The following ACBD6 variants were observed in gnomAD, a reference collection of about 807,000 sequenced individuals.
ACBD6 encodes the protein acyl-CoA-binding domain-containing protein 6.
A neutral mutation model predicts 37.2 loss-of-function variants in ACBD6; 28 were observed. That is an observed-to-expected ratio of 0.75 (90% confidence interval 0.56 to 1.03). The LOEUF is 1.03. Ranked by LOEUF, ACBD6 falls within the 50% of genes least tolerant of loss-of-function variation. The pLI, the probability that ACBD6 is intolerant of heterozygous loss-of-function variation, is 0.00. For missense variants in ACBD6, 340 were observed against 337.4 expected (o/e 1.01, Z -0.06); for synonymous variants, 113 against 126.8 (o/e 0.89, Z 0.73).
rs74132444 is a variant in ACBD6, at chr1:180,282,340, A to G, written c.*94-954T>C. Among the ~76,000 whole-genome samples the G allele has an allele frequency of 1.9e-3, 282 of 152,334 alleles. 2 individuals carry two copies. Among genetic ancestry groups the G allele is most frequent in the African/African-American group, 6.7e-3 (277 of 41,566 alleles). ...GGCTGGGAATTGCTTTCTGAAAGAT[A>G]AAATATAGACCCAAAAAAGTGGTCT... On this transcript the variant is annotated intron_variant, in intron 8 of 13. Coordinates refer to the ACBD6 transcript ENST00000642319.
At chr1:180,368,273 A>G (rs1653125563) in intron 6 of ACBD6, among the ~76,000 whole-genome samples, 1 of 152,048 alleles carries the variant, frequency 6.6e-6, no homozygotes, top group Non-Finnish European at 1.5e-5. Context: ...GATGCTGGGT[A>G]TTAGACCTTT....
At chr1:180,271,042 T>A (rs942436491) in exon 14 of ACBD6, 1 of 382,792 alleles carries the variant, frequency 2.6e-6, no homozygotes, top group African/African-American at 2.1e-5. Context: ...CATGAGGATG[T>A]GTGAGCAGAG....
intron 7 of ACBD6, among the ~76,000 whole-genome samples, chr1:180,309,063 C>T (rs546698198): frequency 6.6e-6 from 1 of 152,182 alleles, no homozygotes; most frequent in Non-Finnish European, 1.5e-5. Context: ...TCATCTTATT[C>T]GTGTATTTCT....
At chr1:180,459,572 A>G (rs1650050848) in intron 3 of ACBD6, among the ~76,000 whole-genome samples, 1 of 152,222 alleles carries the variant, frequency 6.6e-6, no homozygotes, top group African/African-American at 2.4e-5. Flanking sequence ...AGTTGTTAGT[A>G]CATTTTAAAA....
intron 6 of ACBD6, among the ~76,000 whole-genome samples, chr1:180,395,908 C>T (rs148252203): frequency 2.6e-5 from 4 of 152,156 alleles, no homozygotes; most frequent in Admixed American, 2.0e-4. Context: ...AAACCAAGTG[C>T]CACAGATATT....
intron 6 of ACBD6, among the ~76,000 whole-genome samples, chr1:180,337,088 G>A (rs1366390658): frequency 3.3e-5 from 5 of 152,116 alleles, no homozygotes; most frequent in Non-Finnish European, 1.5e-5. Context: ...AGGAGGAGCT[G>A]GTACCATTCC....
intron 1 of ACBD6, among the ~76,000 whole-genome samples, chr1:180,499,082 T>C (rs548541943): frequency 1.7e-3 from 259 of 152,328 alleles, no homozygotes; most frequent in African/African-American, 5.8e-3. Context: ...AAAGCTATGA[T>C]GCTAAGTTTA....
At chr1:180,361,856 A>G (rs1345785512) in intron 6 of ACBD6, among the ~76,000 whole-genome samples, 1 of 152,124 alleles carries the variant, frequency 6.6e-6, no homozygotes, top group Non-Finnish European at 1.5e-5. Flanking sequence ...ACATATATTT[A>G]TTTTGCTGTA....
chr1:180,401,330 C>A (rs1294862052), intron 5 of ACBD6, among the ~76,000 whole-genome samples: 1 of 152,160 alleles, frequency 6.6e-6, no homozygotes. Flanking sequence ...TAGCAGCTAA[C>A]CTATTAAGTG....
At chr1:180,309,896 C>T (rs549055521) in intron 7 of ACBD6, among the ~76,000 whole-genome samples, 1 of 151,648 alleles carries the variant, frequency 6.6e-6, no homozygotes, top group East Asian at 1.9e-4. Context: ...ACAGCCAGCT[C>T]TTGATAATAC....
chr1:180,407,093 C>T (rs1017494981), intron 5 of ACBD6, among the ~76,000 whole-genome samples: 1 of 152,154 alleles, frequency 6.6e-6, no homozygotes, highest in African/African-American at 2.4e-5. Context: ...CTCCCACCTC[C>T]CTTATGTTCT....
At chr1:180,468,738 A>G (rs537079283) in intron 3 of ACBD6, among the ~76,000 whole-genome samples, 1 of 152,294 alleles carries the variant, frequency 6.6e-6, no homozygotes, top group African/African-American at 2.4e-5. Context: ...TAAATCAGAT[A>G]TTTAAGGCTA....
At chr1:180,439,374 G>A (rs1346727196) in intron 3 of ACBD6, among the ~76,000 whole-genome samples, 1 of 152,140 alleles carries the variant, frequency 6.6e-6, no homozygotes, top group East Asian at 1.9e-4. Context: ...CACAAGGTCA[G>A]GAGATCGAGA....
At chr1:180,378,436 G>A (rs916932939) in intron 6 of ACBD6, among the ~76,000 whole-genome samples, 2 of 152,240 alleles carry the variant, frequency 1.3e-5, no homozygotes, top group East Asian at 1.9e-4. Context: ...AATAAGGTCT[G>A]TAATTTAAAC....
At chr1:180,300,113 C>A (rs1230054940) in intron 7 of ACBD6, among the ~76,000 whole-genome samples, 3 of 152,064 alleles carry the variant, frequency 2.0e-5, no homozygotes, top group African/African-American at 7.2e-5. Context: ...GAAGAGCTGT[C>A]AACACAAGGA....
At chr1:180,475,067 G>A (rs1650725906) in intron 3 of ACBD6, among the ~76,000 whole-genome samples, 1 of 152,192 alleles carries the variant, frequency 6.6e-6, no homozygotes, top group South Asian at 2.1e-4. Context: ...CATTAAGCCA[G>A]CATCCAGATC....
intron 3 of ACBD6, 84 bp from the exon 4 acceptor site, chr1:180,430,346 G>T: frequency 8.4e-7 from 1 of 1,196,342 alleles, no homozygotes. Flanking sequence ...ATGTTATTTT[G>T]CTAAGAAAGA....
At chr1:180,413,875 G>A (rs577295844) in intron 4 of ACBD6, among the ~76,000 whole-genome samples, 18 of 152,246 alleles carry the variant, frequency 1.2e-4, no homozygotes, top group African/African-American at 3.1e-4. Context: ...TATATTGCAC[G>A]TGCTAATTCA....
At chr1:180,490,458 C>T (rs1378089621) in intron 3 of ACBD6, among the ~76,000 whole-genome samples, 1 of 150,232 alleles carries the variant, frequency 6.7e-6, no homozygotes, top group Non-Finnish European at 1.5e-5. Context: ...GCCTGGCCAA[C>T]ATGGCAAAAC....
Sources: gnomAD v4.1 joint callset for allele counts (sites outside exome capture counted in the v4.1 genomes callset) on GRCh38, gnomAD v4.1.1 for gene constraint, MANE v1.5 for transcripts, NCBI Gene and HGNC (gene_info 2026-07-23, HGNC 2026-07-21) for gene names.